Variants in MTR observed in about 807,000 individuals in gnomAD.
The protein encoded by MTR is methionine synthase.
MTR carries 84 observed loss-of-function variants against 154.8 expected under a neutral mutation model. The ratio of observed to expected loss-of-function variants is 0.54; its 90% CI spans 0.45 to 0.65. The LOEUF (loss-of-function observed/expected upper bound fraction) is 0.65. Among genes scored for constraint, MTR ranks in the 30% least tolerant of loss-of-function variants. The probability of loss-of-function intolerance (pLI) is 0.00; values close to 1 mark genes in which losing one functional copy is unlikely to be tolerated. For missense variants in MTR, 1,275 were observed against 1,570.2 expected, an observed-to-expected ratio of 0.81 and a Z score of 3.18; for synonymous variants, 554 against 553.9, an observed-to-expected ratio of 1.00 and a Z score of 0.00.
chr1:236,897,651 T>G lies in MTR; in HGVS notation c.*7T>G, dbSNP rs763210089. On this transcript the variant is annotated 3_prime_UTR_variant, in exon 33 of 33. Transcript: ENST00000366577. ...GGGATATGATACAGACTAACTTTTT[T>G]TTTTTTTTTGCCTTTTTTATTCTTG... 4 of 1,611,858 alleles carry G rather than the reference T, an allele frequency of 2.5e-6. No homozygotes were observed. The highest frequency in any genetic ancestry group is 2.5e-6 in the Non-Finnish European group (3 of 1,178,180).
At chr1:236,867,594 C>G (rs1052781750) in intron 22 of MTR, among the ~76,000 whole-genome samples, 18 of 152,132 alleles carry the variant, frequency 1.2e-4, no homozygotes, top group African/African-American at 4.3e-4. Flanking sequence ...AGTGATGGAT[C>G]TGGGCAAAGG....
rs771325063 is a variant in MTR at position 236,889,282 on chromosome 1, CG to C, written c.2957del (p.Gly986AlafsTer17). On this transcript the variant is annotated frameshift_variant, in exon 28 of 33. Coordinates refer to ENST00000366577, the MANE Select transcript of MTR (RefSeq NM_000254.3). LOFTEE classifies it high-confidence loss of function. ...GCCTTTCTTTGATGTCTGGCAGCTC[CG>C]GGGCAAGTACCCGAATCGAGGCTTT... ...WKPFFDVWQLRGKYPNRGFPK... is the reference protein window; with the variant it reads ...WKPFFDVWQLXGKYPNRGFPK... 1 of 1,614,188 alleles carries C rather than the reference CG, an allele frequency of 6.2e-7. No homozygotes were observed. The highest frequency in any genetic ancestry group is 8.5e-7 in the Non-Finnish European group (1 of 1,180,036).
chr1:236,833,374 C>T (rs892614512), intron 13 of MTR, among the ~76,000 whole-genome samples: 2 of 152,182 alleles, frequency 1.3e-5, no homozygotes, highest in Non-Finnish European at 2.9e-5. Context: ...TTTCTATATG[C>T]CAGTCACTGT....
rs985696225 is a variant in MTR at position 236,898,953 on chromosome 1, A to G, written c.*1309A>G. ...GTTATTTCAAAAATTTGCATGCAAA[A>G]TATACACTCATCCTACTTCAAGATG... On this transcript the variant is annotated 3_prime_UTR_variant, in exon 33 of 33. Transcript: ENST00000366577. 2 of 152,224 alleles carry G rather than the reference A, an allele frequency of 1.3e-5. No homozygotes were observed. Among genetic ancestry groups the G allele is most frequent in the African/African-American group, 2.4e-5 (1 of 41,458 alleles). The allele number at this position is 152,224 out of a possible 1,614,324, so 9.4% of individuals were successfully genotyped here. A position where few individuals can be genotyped will look rare whatever the true frequency, so the allele number is the denominator to read the frequency against.
Position 236,897,930 on chromosome 1 carries a change from C to A in MTR, c.*286C>A, listed in dbSNP as rs78201060. 8.1e-6 allele frequency: 3 copies of A among 369,382 alleles called. No individual in the cohort carries two copies. Among genetic ancestry groups the A allele is most frequent in the Non-Finnish European group, 1.5e-5 (3 of 204,860 alleles). 22.9% of individuals were successfully genotyped at this position (369,382 alleles called of 1,614,324 possible). ...ATGGGGACAGACTGAAGACAGAGGT[C>A]GTTTGATTTCAAAGCAAGTCAACCT... On this transcript the variant is annotated 3_prime_UTR_variant, in exon 33 of 33. Transcript: ENST00000366577.
At chr1:236,845,663 A>G (rs1663525962) in intron 15 of MTR, among the ~76,000 whole-genome samples, 1 of 152,240 alleles carries the variant, frequency 6.6e-6, no homozygotes, top group South Asian at 2.1e-4. Context: ...ATAGATAGGT[A>G]ACATAATTTT....
At chr1:236,893,466 C>A (rs995292979) in intron 29 of MTR, among the ~76,000 whole-genome samples, 1 of 152,128 alleles carries the variant, frequency 6.6e-6, no homozygotes, top group African/African-American at 2.4e-5. Flanking sequence ...GACCTTGGGC[C>A]AGTTGATCAA....
At chr1:236,866,344 T>C (rs1257621922) in intron 22 of MTR, among the ~76,000 whole-genome samples, 2 of 152,170 alleles carry the variant, frequency 1.3e-5, no homozygotes, top group Non-Finnish European at 2.9e-5. Context: ...TGGGGTACCA[T>C]GAACCACACC....
chr1:236,871,614 C>G (rs576728668), intron 22 of MTR, among the ~76,000 whole-genome samples: 1 of 152,076 alleles, frequency 6.6e-6, no homozygotes, highest in South Asian at 2.1e-4. Flanking sequence ...TATGCTTAGT[C>G]ATTGTTTAAC....
intron 22 of MTR, among the ~76,000 whole-genome samples, chr1:236,863,978 G>T (rs878888468): frequency 6.6e-6 from 1 of 152,038 alleles, no homozygotes; most frequent in African/African-American, 2.4e-5. Context: ...TTACAGGAAG[G>T]CCTTCTCTGT....
intron 15 of MTR, among the ~76,000 whole-genome samples, chr1:236,845,006 C>T (rs1427289094): frequency 4.6e-5 from 7 of 152,158 alleles, no homozygotes; most frequent in Non-Finnish European, 1.0e-4. Context: ...AGGTGATTCT[C>T]ATGTATCTTT....
At position 236,860,730 on chromosome 1, in the gene MTR, T is replaced by C. The variant is rs75610502; in HGVS notation, c.2044-395T>C. Among the ~76,000 whole-genome samples, 938 of 152,346 alleles carry C rather than the reference T, an allele frequency of 6.2e-3. 6 individuals are homozygous for C. The highest frequency in any genetic ancestry group is 9.3e-3 in the Non-Finnish European group (631 of 68,022). On this transcript the variant is annotated intron_variant, in intron 19 of 32. Coordinates refer to ENST00000366577, the MANE Select transcript of MTR (RefSeq NM_000254.3). The stretch of plus-strand genomic sequence containing the variant: ...AATGGATTTTATGCATTTGAACTTA[T>C]TAGTCCTTCTCTGTTAGCACATTTT...
chr1:236,874,697 CCT>C, intron 23 of MTR, 27 bp from the exon 24 acceptor site: 1 of 1,399,562 alleles, frequency 7.1e-7, no homozygotes, highest in South Asian at 1.4e-5. Context: ...TCCTTTTTGT[CCT>C]TTTTTTTTTA....
intron 15 of MTR, among the ~76,000 whole-genome samples, chr1:236,843,614 A>G (rs4659727): frequency 0.23 from 34,825 of 152,198 alleles, 4,322 homozygotes; most frequent in African/African-American, 0.31. Flanking sequence ...TATTGCTGTA[A>G]TTCAGATGAG....
At chr1:236,894,658 CTTTTT>C in intron 30 of MTR, 101 bp downstream of exon 30, 1 of 849,400 alleles carries the variant, frequency 1.2e-6, no homozygotes, top group South Asian at 1.7e-5. Flanking sequence ...GAACCAGTGT[CTTTTT>C]TTTTTTTTTT....
chr1:236,878,998 C>A (rs1046433659), intron 24 of MTR, among the ~76,000 whole-genome samples: 8 of 152,242 alleles, frequency 5.3e-5, no homozygotes, highest in African/African-American at 1.9e-4. Flanking sequence ...AGTGGACATA[C>A]TGTTAGGAAG....
intron 29 of MTR, 22 bp from the exon 30 acceptor site, chr1:236,894,333 ACT>A (rs776083871): frequency 5.6e-6 from 9 of 1,613,476 alleles, no homozygotes; most frequent in Non-Finnish European, 7.6e-6. Context: ...GCCCCCGCAC[ACT>A]CCTACACTCC....
chr1:236,844,323 T>C (rs1231477345), intron 15 of MTR, among the ~76,000 whole-genome samples: 1 of 152,086 alleles, frequency 6.6e-6, no homozygotes, highest in Non-Finnish European at 1.5e-5. Flanking sequence ...GAAAACTTTA[T>C]TGGAGTGGGT....
intron 18 of MTR, among the ~76,000 whole-genome samples, chr1:236,858,736 TG>T (rs1279211753): frequency 1.3e-5 from 2 of 152,274 alleles, no homozygotes; most frequent in Non-Finnish European, 1.5e-5. Flanking sequence ...TGATTGAATT[TG>T]AGTAGTGAAT....
Sources: gnomAD v4.1 joint callset for allele counts (sites outside exome capture counted in the v4.1 genomes callset) on GRCh38, gnomAD v4.1.1 for gene constraint, MANE v1.5 for transcripts, NCBI Gene and HGNC (gene_info 2026-07-23, HGNC 2026-07-21) for gene names.